EBF3: variants seen among roughly 807,000 people sequenced by gnomAD.
EBF3 encodes the protein transcription factor COE3.
Under a neutral mutation model 77.1 loss-of-function variants are expected in EBF3, and 18 were observed. The observed-to-expected ratio is 0.23, with a 90% CI of 0.16 to 0.35. EBF3 has a LOEUF of 0.35. Among genes scored for constraint, EBF3 ranks in the 10% least tolerant of loss-of-function variants. The probability of loss-of-function intolerance (pLI) is 1.00; values close to 1 mark genes in which losing one functional copy is unlikely to be tolerated. For synonymous variants in EBF3, 350 were observed against 343.5 expected (o/e 1.02, Z -0.21); for missense variants, 558 against 860.0 (o/e 0.65, Z 4.39).
At chr10:129,876,885 A>ACG (rs1852810848) in intron 7 of EBF3, among the ~76,000 whole-genome samples, 2 of 42,368 alleles carry the variant, frequency 4.7e-5, no homozygotes, top group African/African-American at 8.2e-5. Context: ...TCATCCCTGA[A>ACG]CCCCCCCCCC....
chr10:129,936,274 G>A (rs1857350750), intron 6 of EBF3, among the ~76,000 whole-genome samples: 1 of 152,168 alleles, frequency 6.6e-6, no homozygotes, highest in South Asian at 2.1e-4. Flanking sequence ...CTACCAGGTG[G>A]AACCAGGACA....
intron 6 of EBF3, among the ~76,000 whole-genome samples, chr10:129,919,298 G>T (rs1239594076): frequency 6.6e-6 from 1 of 152,150 alleles, no homozygotes; most frequent in East Asian, 1.9e-4. Flanking sequence ...AGATACGGAG[G>T]GAAGGCTGTC....
rs1850216338 is a variant in EBF3 at position 129,843,220 on chromosome 10, A to G, written c.1129-18T>C. On this transcript the variant is annotated intron_variant, in intron 11 of 16. Coordinates refer to ENST00000440978, the MANE Select transcript of EBF3 (RefSeq NM_001375380.1). ...AACACCTCCTAAAGGAAGAGCAGAC[A>G]GGAGGTGATTCATGGGAGGAACCGG... 2 of 1,604,430 alleles carry G rather than the reference A, an allele frequency of 1.2e-6. No individual in the cohort carries two copies. The highest frequency in any genetic ancestry group is 8.5e-7 in the Non-Finnish European group (1 of 1,175,456).
Position 129,879,186 on chromosome 10 carries a change from TG to T in EBF3, c.555-1338del, listed in dbSNP as rs961852229. 7.2e-5 allele frequency among the ~76,000 whole-genome samples: 11 copies of T among 151,846 alleles called. No individual in the cohort carries two copies. Among genetic ancestry groups the T allele is most frequent in the Non-Finnish European group, 1.5e-4 (10 of 67,974 alleles). ...TACCACTACCCACAGGAAAAGTGGG[TG>T]GGGGGGTTTCTCCCTGTATAACCTC... On this transcript the variant is annotated intron_variant, in intron 6 of 16. Coordinates refer to ENST00000440978, the MANE Select transcript of EBF3 (RefSeq NM_001375380.1). This position sits in a 1 kb window ranked among gnomAD's most constrained non-coding sequence, Gnocchi z 4.7.
At chr10:129,931,916 C>G (rs1458141711) in intron 6 of EBF3, among the ~76,000 whole-genome samples, 2 of 152,170 alleles carry the variant, frequency 1.3e-5, no homozygotes, top group Non-Finnish European at 2.9e-5. Context: ...TCCATACACA[C>G]TCCTGGCCCA....
At chr10:129,900,293 A>T (rs1854686758) in intron 6 of EBF3, among the ~76,000 whole-genome samples, 1 of 152,158 alleles carries the variant, frequency 6.6e-6, no homozygotes, top group Non-Finnish European at 1.5e-5. Context: ...TGCTTATGTG[A>T]ATTATTTTTT....
chr10:129,884,099 G>C (rs1853402979), intron 6 of EBF3, among the ~76,000 whole-genome samples: 1 of 152,120 alleles, frequency 6.6e-6, no homozygotes, highest in South Asian at 2.1e-4. Flanking sequence ...TGACTGATAA[G>C]AGTGGCCAGT....
intron 6 of EBF3, among the ~76,000 whole-genome samples, chr10:129,946,151 G>A (rs937239155): frequency 2.0e-5 from 3 of 152,324 alleles, no homozygotes; most frequent in East Asian, 1.9e-4. Context: ...TCACATGCCC[G>A]CGGATTCCCT....
Position 129,878,823 on chromosome 10 carries a change from CAA to C in EBF3, c.555-976_555-975del, listed in dbSNP as rs10654202. ...TGGGCAACACAGTGAAAATCGGTCT[CAA>C]AAAAAAAAAAAAAAAAAAAAATCTA... On this transcript the variant is annotated intron_variant, in intron 6 of 16. Transcript: ENST00000440978. Among the ~76,000 whole-genome samples, 225 of 58,764 alleles carry C rather than the reference CAA, an allele frequency of 3.8e-3. 3 individuals carry two copies. Among genetic ancestry groups the C allele is most frequent in the African/African-American group, 0.013 (207 of 16,174 alleles). The allele number at this position is 58,764 out of a possible 152,430, so 38.6% of individuals were successfully genotyped here. A position where few individuals can be genotyped will look rare whatever the true frequency, so the allele number is the denominator to read the frequency against.
rs946923503 is a variant in EBF3, at chr10:129,923,135, T to C, written c.554+34123A>G. On this transcript the variant is annotated intron_variant, in intron 6 of 16. Coordinates refer to ENST00000440978, the MANE Select transcript of EBF3 (RefSeq NM_001375380.1). Reference sequence around the variant, plus strand: ...CGGCAGCAACAATCATGTGTTACTGTTGTTATTATTTTGAACCGCAGCAGC... The same window carrying C: ...CGGCAGCAACAATCATGTGTTACTGCTGTTATTATTTTGAACCGCAGCAGC... Among the ~76,000 whole-genome samples, 3 of 152,176 alleles carry C rather than the reference T, an allele frequency of 2.0e-5. No individual in the cohort carries two copies. In the East Asian group the frequency reaches 5.8e-4, roughly 29 times the overall value.
chr10:129,839,115 C>G lies in EBF3; in HGVS notation c.1840G>C (p.Asp614His). Residue 614 changes from aspartate to histidine, a missense_variant, in exon 16 of 17, where the codon GAT (aspartate) becomes CAT (histidine). Physicochemically the swap from Asp to His is moderately conservative, Grantham distance 81. Around this residue, in one of 5 missense-constraint regions of EBF3, gnomAD observed 284 missense variants for 368.3 expected, o/e 0.77. Coordinates refer to ENST00000440978, the MANE Select transcript of EBF3 (RefSeq NM_001375380.1). ...FCEVGGIFHF[D>H]ELMLKKGTGK... ...GTTCCTTTTTTGAGCATTAGTTCAT[C>G]AAAGTGAAATATGCCACCGACTTCA... The G allele has an allele frequency of 2.3e-6, 3 of 1,304,476 alleles. No individual in the cohort carries two copies. Among genetic ancestry groups the G allele is most frequent in the Non-Finnish European group, 2.0e-6 (2 of 989,002 alleles). 80.8% of individuals were successfully genotyped at this position (1,304,476 alleles called of 1,614,324 possible).
At chr10:129,939,793 C>A (rs1857603396) in intron 6 of EBF3, among the ~76,000 whole-genome samples, 1 of 152,216 alleles carries the variant, frequency 6.6e-6, no homozygotes. Flanking sequence ...TAATACCGGA[C>A]TTCGTCTTAA....
At chr10:129,927,299 T>C (rs941000937) in intron 6 of EBF3, among the ~76,000 whole-genome samples, 2 of 152,160 alleles carry the variant, frequency 1.3e-5, no homozygotes, top group Non-Finnish European at 2.9e-5. Context: ...TATTTTTAAG[T>C]GAAAAGTGGA....
intron 6 of EBF3, among the ~76,000 whole-genome samples, chr10:129,930,346 T>C (rs1395366516): frequency 1.3e-5 from 2 of 151,904 alleles, no homozygotes; most frequent in African/African-American, 2.4e-5. Context: ...TATCTGTCTA[T>C]ATCTATCTCT....
intron 6 of EBF3, among the ~76,000 whole-genome samples, chr10:129,949,245 G>A (rs1858475546): frequency 6.6e-6 from 1 of 152,234 alleles, no homozygotes; most frequent in Admixed American, 6.5e-5. Context: ...AGGTTGCGGT[G>A]AGCCGAGATC....
At chr10:129,875,198 T>C (rs1852679687) in intron 7 of EBF3, among the ~76,000 whole-genome samples, 1 of 136,368 alleles carries the variant, frequency 7.3e-6, no homozygotes, top group African/African-American at 2.9e-5. Flanking sequence ...TTTTTTTTTT[T>C]TTTTTTTTTT....
intron 10 of EBF3, among the ~76,000 whole-genome samples, chr10:129,854,386 T>C (rs1177908535): frequency 6.6e-6 from 1 of 152,090 alleles, no homozygotes; most frequent in East Asian, 1.9e-4. Context: ...GCTCCTCACA[T>C]GGATGAAAAG....
intron 6 of EBF3, among the ~76,000 whole-genome samples, chr10:129,948,414 G>A (rs1256300909): frequency 1.3e-5 from 2 of 152,144 alleles, no homozygotes; most frequent in Non-Finnish European, 2.9e-5. Flanking sequence ...GGGGAGGGGT[G>A]GCTAGGTGGA....
intron 6 of EBF3, among the ~76,000 whole-genome samples, chr10:129,946,150 C>T (rs1368973553): frequency 6.6e-6 from 1 of 152,186 alleles, no homozygotes; most frequent in Non-Finnish European, 1.5e-5. Flanking sequence ...ATCACATGCC[C>T]GCGGATTCCC....
Sources: gnomAD v4.1 joint callset for allele counts (sites outside exome capture counted in the v4.1 genomes callset) on GRCh38, gnomAD v4.1.1 for gene constraint, gnomAD v4.1.1 regional missense constraint, Gnocchi (gnomAD v3.1) non-coding constraint, MANE v1.5 for transcripts, NCBI Gene and HGNC (gene_info 2026-07-23, HGNC 2026-07-21) for gene names.